FOCAD: variants seen among roughly 807,000 people sequenced by gnomAD.
FOCAD encodes KIAA1797.
Under a neutral mutation model 225.6 loss-of-function variants are expected in FOCAD, and 198 were observed. The observed-to-expected ratio is 0.88, with a 90% CI of 0.78 to 0.99. The LOEUF (loss-of-function observed/expected upper bound fraction) is 0.99. Ranked by LOEUF, FOCAD falls within the 50% of genes least tolerant of loss-of-function variation. The probability of loss-of-function intolerance (pLI) is 0.00; values close to 1 mark genes in which losing one functional copy is unlikely to be tolerated. For synonymous variants in FOCAD, 897 were observed against 755.0 expected (o/e 1.19, Z -3.08); for missense variants, 2,713 against 2,123.6 (o/e 1.28, Z -5.46).
chr9:20,905,067 C>T (rs1832846188), intron 21 of FOCAD, among the ~76,000 whole-genome samples: 1 of 151,870 alleles, frequency 6.6e-6, no homozygotes, highest in Admixed American at 6.6e-5. Flanking sequence ...TAAAGTCTGT[C>T]TTCATTAAGA....
At chr9:20,673,442 A>T (rs1822136181) in intron 2 of FOCAD, among the ~76,000 whole-genome samples, 1 of 151,970 alleles carries the variant, frequency 6.6e-6, no homozygotes, top group Non-Finnish European at 1.5e-5. Flanking sequence ...TGTCTTTTTT[A>T]TTATAACTAT....
chr9:20,714,266 G>GTGTACAAAAAGTACAAA, intron 1 of FOCAD, among the ~76,000 whole-genome samples: 1 of 152,232 alleles, frequency 6.6e-6, no homozygotes, highest in East Asian at 1.9e-4. Context: ...AAAAGTTTCA[G>GTGTACAAAAAGTACAAA]ATTTTGTAAC....
chr9:20,914,797 C>A (rs927438492), intron 23 of FOCAD, among the ~76,000 whole-genome samples: 1 of 152,066 alleles, frequency 6.6e-6, no homozygotes, highest in Non-Finnish European at 1.5e-5. Context: ...TTAAAAGGAC[C>A]ACTCCAGCTG....
Position 20,784,954 on chromosome 9 carries a change from G to C in FOCAD, c.1197+3025G>C, listed in dbSNP as rs576443287. ...TCTTTTTTTTTTTAATCTATTTCCA[G>C]CTGTGTGGCCTTGGACTAGTGACTG... On this transcript the variant is annotated intron_variant, in intron 10 of 43. Coordinates refer to ENST00000338382, the MANE Select transcript of FOCAD (RefSeq NM_001375567.1). Among the ~76,000 whole-genome samples the C allele has an allele frequency of 7.9e-5, 12 of 151,360 alleles. No individual in the cohort carries two copies. The East Asian group carries it at 2.1e-3, about 27-fold the overall frequency.
intron 11 of FOCAD, among the ~76,000 whole-genome samples, chr9:20,801,894 T>A (rs939365135): frequency 6.6e-6 from 1 of 152,156 alleles, no homozygotes; most frequent in East Asian, 1.9e-4. Context: ...GACACCTGTG[T>A]TAACTCCTTT....
intron 8 of FOCAD, among the ~76,000 whole-genome samples, chr9:20,775,576 C>T (rs914790852): frequency 6.6e-6 from 1 of 152,192 alleles, no homozygotes; most frequent in Admixed American, 6.5e-5. Context: ...GGTTGGGCCA[C>T]CATCTTTGTT....
Position 20,919,454 on chromosome 9 carries a change from G to A in FOCAD, c.2852+2517G>A, listed in dbSNP as rs563953999. Among the ~76,000 whole-genome samples, 379 of 152,154 alleles carry A rather than the reference G, an allele frequency of 2.5e-3. 3 individuals carry two copies. Among genetic ancestry groups the A allele is most frequent in the Admixed American group, 3.8e-3 (58 of 15,278 alleles). On this transcript the variant is annotated intron_variant, in intron 24 of 43. Transcript: ENST00000338382. ...ACCAATGACTTTCTTCACAGGATTG[G>A]AAAAAACTACTTTAAAGTTCATATG...
intron 42 of FOCAD, among the ~76,000 whole-genome samples, chr9:20,992,050 C>T (rs1841720466): frequency 6.6e-6 from 1 of 152,034 alleles, no homozygotes; most frequent in Non-Finnish European, 1.5e-5. Context: ...CTTTTTCTCC[C>T]TATTTTACTC....
chr9:20,877,207 C>G (rs1413805681), intron 19 of FOCAD, among the ~76,000 whole-genome samples: 1 of 152,100 alleles, frequency 6.6e-6, no homozygotes, highest in Non-Finnish European at 1.5e-5. Context: ...CTTTCCCCGT[C>G]AAGTGTCCTT....
In FOCAD at chr9:20,672,600, G is replaced by A. The variant is rs565128250; in HGVS notation, c.-78+13774G>A. Among the ~76,000 whole-genome samples the A allele has an allele frequency of 3.3e-5, 5 of 152,240 alleles. No homozygotes were observed. In the South Asian group the frequency reaches 8.3e-4, roughly 25 times the overall value. On this transcript the variant is annotated intron_variant, in intron 2 of 45. Transcript: ENST00000380249. ...AGAGTAGCTGGGACAACAGGTGCCC[G>A]CCACCACGCCCAGCTAATTTTTGTA... is the stretch of plus-strand genomic sequence containing the variant.
intron 19 of FOCAD, 102 bp downstream of exon 19, chr9:20,874,909 T>A: frequency 7.1e-7 from 1 of 1,418,420 alleles, no homozygotes; most frequent in African/African-American, 1.4e-5. Context: ...TAACCTTATG[T>A]GCTTATTTTT....
rs781756368 is a variant in FOCAD, at chr9:20,926,386, CCAG to C, written c.3048_3050del (p.Arg1017del). 1 of 1,611,216 alleles carries C rather than the reference CCAG, an allele frequency of 6.2e-7. No individual in the cohort carries two copies. Among genetic ancestry groups the C allele is most frequent in the Non-Finnish European group, 8.5e-7 (1 of 1,177,580 alleles). On this transcript the variant is annotated inframe_deletion, in exon 26 of 44. Coordinates refer to ENST00000338382, the MANE Select transcript of FOCAD (RefSeq NM_001375567.1). ...GTCATTGTGGATAGCCATTACCAAC[CCAG>C]AGGGCAACTTCTCTCCTGGTTTTAT...
chr9:20,923,667 C>T lies in FOCAD; in HGVS notation c.2860C>T (p.Pro954Ser). The change falls in exon 25 of 44, where the codon CCG becomes TCG. Residue 954 changes from proline (P) to serine (S), a missense_variant. Physicochemically the swap from Pro to Ser is moderately conservative, Grantham distance 74. Transcript: ENST00000338382. The part of the protein sequence containing the change: ...EITKAAAKES[P>S]VVKGNALLAL... ...TTTTTTCCTTTTGAACAGGGAGAGT[C>T]CGGTAGTGAAAGGCAATGCGCTGTT... 6.2e-7 allele frequency: 1 copy of T among 1,613,646 alleles called. No homozygotes were observed. Among genetic ancestry groups the T allele is most frequent in the Non-Finnish European group, 8.5e-7 (1 of 1,179,702 alleles).
At chr9:20,772,153 C>G (rs1009631207) in intron 8 of FOCAD, among the ~76,000 whole-genome samples, 1 of 152,216 alleles carries the variant, frequency 6.6e-6, no homozygotes, top group East Asian at 1.9e-4. Context: ...GGAGAAGGGT[C>G]CTTGATAGAA....
Position 20,881,818 on chromosome 9 carries a change from C to T in FOCAD, c.2318-53C>T. On this transcript the variant is annotated intron_variant, in intron 19 of 43. Coordinates refer to ENST00000338382, the MANE Select transcript of FOCAD (RefSeq NM_001375567.1). ...ATATGAGTTAAGAACGCATGTTTCT[C>T]TTCTAGCTTATTGTATTTACTCTAC... 2.6e-6 allele frequency: 4 copies of T among 1,563,134 alleles called. No individual in the cohort carries two copies. In the South Asian group the frequency reaches 3.5e-5, roughly 14 times the overall value.
chr9:20,957,260 A>C (rs368699489), intron 35 of FOCAD, among the ~76,000 whole-genome samples: 3 of 100,826 alleles, frequency 3.0e-5, no homozygotes, highest in Admixed American at 1.1e-4. Context: ...GATGGAAACA[A>C]TGTTGCCTAG....
intron 2 of FOCAD, chr9:20,716,174 A>C (rs758100300): frequency 8.5e-6 from 4 of 472,064 alleles, no homozygotes; most frequent in Non-Finnish European, 9.2e-6. Context: ...ATTCCCTTCT[A>C]CCTGGCTGGG....
intron 4 of FOCAD, among the ~76,000 whole-genome samples, chr9:20,730,485 G>C (rs1427121669): frequency 1.3e-5 from 2 of 152,088 alleles, no homozygotes; most frequent in African/African-American, 2.4e-5. Context: ...TGAGCTTATG[G>C]ATTTAAACAT....
intron 5 of FOCAD, among the ~76,000 whole-genome samples, chr9:20,749,974 T>A (rs1383860767): frequency 6.6e-6 from 1 of 152,180 alleles, no homozygotes; most frequent in African/African-American, 2.4e-5. Flanking sequence ...CATTCACTCC[T>A]TCCTCACTCC....
Sources: allele counts gnomAD v4.1 joint callset (sites outside exome capture counted in the v4.1 genomes callset), GRCh38; gene constraint gnomAD v4.1.1; transcripts MANE v1.5; gene names NCBI Gene and HGNC (gene_info 2026-07-23, HGNC 2026-07-21).